SEL1L: variants seen among roughly 807,000 people sequenced by gnomAD.
The protein encoded by SEL1L is SEL1L adaptor subunit of SYVN1 ubiquitin ligase, also known as protein sel-1 homolog 1.
Under a neutral mutation model 109.8 loss-of-function variants are expected in SEL1L, and 52 were observed. That is an observed-to-expected ratio of 0.47 (90% CI 0.38 to 0.60). The LOEUF is 0.60. Ranked by LOEUF, SEL1L falls within the 20% of genes least tolerant of loss-of-function variation. The probability of loss-of-function intolerance (pLI) is 0.00; values close to 1 mark genes in which losing one functional copy is unlikely to be tolerated. For missense variants in SEL1L, 749 were observed against 962.2 expected (o/e 0.78, Z 2.93); for synonymous variants, 373 against 339.6 (o/e 1.10, Z -1.08).
chr14:81,523,704 A>G (rs1885010219), intron 3 of SEL1L, among the ~76,000 whole-genome samples: 1 of 152,186 alleles, frequency 6.6e-6, no homozygotes, highest in South Asian at 2.1e-4. Flanking sequence ...ACTGAGCCCT[A>G]AACTTGTGAG....
intron 18 of SEL1L, among the ~76,000 whole-genome samples, chr14:81,485,253 A>C (rs554773489): frequency 2.3e-4 from 35 of 152,274 alleles, no homozygotes; most frequent in African/African-American, 8.4e-4. Flanking sequence ...CAAACAAATT[A>C]AGTCACAGTA....
chr14:81,474,964 C>G lies in SEL1L; in HGVS notation c.*2008G>C, dbSNP rs892546109. ...GGGAAGGAAAGTTAGATATAAAAAT[C>G]TTGCTAAAGGAAAAATGAGGGTGGA... On this transcript the variant is annotated 3_prime_UTR_variant, in exon 21 of 21. Coordinates refer to ENST00000336735, the MANE Select transcript of SEL1L (RefSeq NM_005065.6). 2 of 152,150 alleles carry G rather than the reference C, an allele frequency of 1.3e-5. No individual in the cohort carries two copies. Among genetic ancestry groups the G allele is most frequent in the African/African-American group, 4.8e-5 (2 of 41,430 alleles). The allele number at this position is 152,150 out of a possible 1,614,324, so 9.4% of individuals were successfully genotyped here.
intron 10 of SEL1L, among the ~76,000 whole-genome samples, chr14:81,497,077 C>T (rs1401100017): frequency 6.6e-6 from 1 of 151,944 alleles, no homozygotes; most frequent in Non-Finnish European, 1.5e-5. Flanking sequence ...ACACAGAAAG[C>T]AAGTAAAACA....
intron 14 of SEL1L, 38 bp from the exon 15 acceptor site, chr14:81,487,980 A>C: frequency 6.9e-7 from 1 of 1,459,064 alleles, no homozygotes; most frequent in Non-Finnish European, 9.6e-7. Context: ...AAAGCTCAAA[A>C]GGCAGACATA....
At chr14:81,531,797 C>G (rs1420537372) in intron 1 of SEL1L, among the ~76,000 whole-genome samples, 2 of 152,176 alleles carry the variant, frequency 1.3e-5, no homozygotes, top group East Asian at 1.9e-4. Flanking sequence ...TCCACTTCAG[C>G]CTCCCAAAGT....
In SEL1L at chr14:81,513,637, A is replaced by G. The variant is rs375219663; in HGVS notation, c.341-7396T>C. Among the ~76,000 whole-genome samples the G allele has an allele frequency of 4.5e-4, 69 of 152,220 alleles. 2 individuals carry two copies. In the East Asian group the frequency reaches 0.013, roughly 28 times the overall value. ...CCCCTTTCGTTTGCTATTCTGTCCT[A>G]CTTTTCCTTAGAATTCGGGGGCTAA... On this transcript the variant is annotated intron_variant, in intron 3 of 20. Coordinates refer to ENST00000336735, the MANE Select transcript of SEL1L (RefSeq NM_005065.6).
At position 81,482,615 on chromosome 14, in the gene SEL1L, TAAGTGGCAG is replaced by T. The variant is rs539266708; in HGVS notation, c.2046+1601_2046+1609del. Among the ~76,000 whole-genome samples the T allele has an allele frequency of 6.4e-3, 971 of 152,308 alleles. 13 individuals are homozygous for T. In the South Asian group the frequency reaches 0.065, roughly 10 times the overall value. On this transcript the variant is annotated intron_variant, in intron 19 of 20. Coordinates refer to ENST00000336735, the MANE Select transcript of SEL1L (RefSeq NM_005065.6). Reference sequence around the variant, plus strand: ...TAAAGAGAAGCTTCAGTTACTACATTAAGTGGCAGAGATCTTCCAGAAGTTGAATGTACT... The same window carrying T: ...TAAAGAGAAGCTTCAGTTACTACATTAGATCTTCCAGAAGTTGAATGTACT...
chr14:81,527,145 T>C (rs1281951797), intron 2 of SEL1L, among the ~76,000 whole-genome samples, 181 bp from the exon 3 acceptor site: 1 of 152,190 alleles, frequency 6.6e-6, no homozygotes, highest in East Asian at 1.9e-4. Context: ...ACCTAACTTG[T>C]AGCCTTTTTG....
intron 3 of SEL1L, among the ~76,000 whole-genome samples, chr14:81,522,125 A>G (rs1011346853): frequency 6.6e-6 from 1 of 152,238 alleles, no homozygotes; most frequent in African/African-American, 2.4e-5. Context: ...GCTAAGTGTT[A>G]CTACAAAATA....
At chr14:81,478,056 G>A (rs982593162) in intron 20 of SEL1L, among the ~76,000 whole-genome samples, 6 of 152,174 alleles carry the variant, frequency 3.9e-5, no homozygotes, top group African/African-American at 9.7e-5. Context: ...ATTGAAACCT[G>A]AAAGTTATGT....
intron 3 of SEL1L, 115 bp from the exon 4 acceptor site, chr14:81,506,356 T>C (rs1884238296): frequency 2.3e-6 from 2 of 867,238 alleles, no homozygotes; most frequent in South Asian, 1.9e-5. Flanking sequence ...GATGCCTGAT[T>C]TGTAACTGGG....
intron 20 of SEL1L, among the ~76,000 whole-genome samples, 155 bp from the exon 21 acceptor site, chr14:81,477,336 T>TGTGTGTGTGTGTGTGTGTGTGTG (rs1555412243): frequency 1.3e-5 from 2 of 151,392 alleles, no homozygotes; most frequent in African/African-American, 4.9e-5. Context: ...TGTGTGTGTG[T>TGTGTGTGTGTGTGTGTGTGTGTG]TTAAAGCGGT....
rs901322998 is a variant in SEL1L at position 81,475,590 on chromosome 14, G to T, written c.*1382C>A. The T allele has an allele frequency of 6.6e-6, 1 of 152,150 alleles. No individual in the cohort carries two copies. The highest frequency in any genetic ancestry group is 1.5e-5 in the Non-Finnish European group (1 of 68,032). The allele number at this position is 152,150 out of a possible 1,614,324, so 9.4% of individuals were successfully genotyped here. A position where few individuals can be genotyped will look rare whatever the true frequency, so the allele number is the denominator to read the frequency against. ...AGGCATAGAAAACCTGCTCAGATAC[G>T]AATGCAGTCTCAGACAAGATACAGG... On this transcript the variant is annotated 3_prime_UTR_variant, in exon 21 of 21. Coordinates refer to ENST00000336735, the MANE Select transcript of SEL1L (RefSeq NM_005065.6).
At chr14:81,521,145 A>C (rs1294413038) in intron 3 of SEL1L, among the ~76,000 whole-genome samples, 2 of 152,168 alleles carry the variant, frequency 1.3e-5, no homozygotes, top group Non-Finnish European at 2.9e-5. Context: ...ATTTAATTTG[A>C]ACTAGAAGTT....
At chr14:81,480,754 T>C (rs1170528260) in intron 19 of SEL1L, among the ~76,000 whole-genome samples, 2 of 152,170 alleles carry the variant, frequency 1.3e-5, no homozygotes, top group Admixed American at 6.5e-5. Flanking sequence ...GGTACTTGCA[T>C]GGACATGTTA....
At chr14:81,514,269 G>A (rs1329123182) in intron 3 of SEL1L, among the ~76,000 whole-genome samples, 3 of 152,210 alleles carry the variant, frequency 2.0e-5, no homozygotes, top group African/African-American at 7.2e-5. Flanking sequence ...AGGATATGGG[G>A]AGCCTCAGAA....
At chr14:81,497,800 G>A (rs191761561) in intron 10 of SEL1L, 92 bp downstream of exon 10, 3 of 1,159,012 alleles carry the variant, frequency 2.6e-6, no homozygotes, top group Non-Finnish European at 3.6e-6. Context: ...CAATGAAAAT[G>A]TAACTTACAG....
In SEL1L at chr14:81,479,567, C is replaced by T. The variant is rs773457592; in HGVS notation, c.2175+45G>A. 4 of 1,573,514 alleles carry T rather than the reference C, an allele frequency of 2.5e-6. No homozygotes were observed. The South Asian group carries it at 4.6e-5, about 18-fold the overall frequency. ...TGAAAAACAAACCTCCAGGACAGAC[C>T]TTCCATCATTTATATTTTAATGAAA... On this transcript the variant is annotated intron_variant, in intron 20 of 20. Coordinates refer to ENST00000336735, the MANE Select transcript of SEL1L (RefSeq NM_005065.6).
chr14:81,496,049 C>T (rs190172867), intron 10 of SEL1L, among the ~76,000 whole-genome samples: 35 of 151,976 alleles, frequency 2.3e-4, no homozygotes, highest in African/African-American at 7.2e-4. Context: ...TTGGGCCGGG[C>T]GCGGTGCCTC....
Sources: gnomAD v4.1 joint callset for allele counts (sites outside exome capture counted in the v4.1 genomes callset) on GRCh38, gnomAD v4.1.1 for gene constraint, MANE v1.5 for transcripts, NCBI Gene and HGNC (gene_info 2026-07-23, HGNC 2026-07-21) for gene names.